The following UNC80 variants were observed in gnomAD, a reference collection of about 807,000 sequenced individuals.
The protein encoded by UNC80 is protein unc-80 homolog.
Under a neutral mutation model 384.6 loss-of-function variants are expected in UNC80, and 164 were observed. The observed-to-expected ratio is 0.43, with a 90% CI of 0.38 to 0.49. UNC80 has a LOEUF of 0.49. Among genes scored for constraint, UNC80 ranks in the 20% least tolerant of loss-of-function variants. The pLI, the probability that UNC80 is intolerant of heterozygous loss-of-function variation, is 0.00. For synonymous variants in UNC80, 1,486 were observed against 1,527.8 expected (o/e 0.97, Z 0.64); for missense variants, 3,330 against 4,143.0 (o/e 0.80, Z 5.39).
Position 209,998,084 on chromosome 2 carries a change from G to C in UNC80, c.*2489G>C, listed in dbSNP as rs1464789097. On this transcript the variant is annotated 3_prime_UTR_variant, in exon 65 of 65. Transcript: ENST00000673920. ...AATAGTAGATCATTTCTTAAGCCATGATACTTAATGATATTTATCTTATTC... is the reference window on the plus strand; with the variant it reads ...AATAGTAGATCATTTCTTAAGCCATCATACTTAATGATATTTATCTTATTC... 6.6e-6 allele frequency: 1 copy of C among 152,114 alleles called. No homozygotes were observed. The highest frequency in any genetic ancestry group is 2.4e-5 in the African/African-American group (1 of 41,428). The allele number at this position is 152,114 out of a possible 1,614,324, so 9.4% of individuals were successfully genotyped here.
intron 47 of UNC80, among the ~76,000 whole-genome samples, chr2:209,949,189 C>G (rs1342809376): frequency 6.6e-6 from 1 of 152,026 alleles, no homozygotes; most frequent in Non-Finnish European, 1.5e-5. Flanking sequence ...AATTTTATTG[C>G]TAGGATCACA....
At chr2:209,931,681 T>C (rs2090887621) in intron 38 of UNC80, among the ~76,000 whole-genome samples, 1 of 152,220 alleles carries the variant, frequency 6.6e-6, no homozygotes, top group Non-Finnish European at 1.5e-5. Flanking sequence ...GTTATCCATA[T>C]GCATATGCAT....
intron 23 of UNC80, among the ~76,000 whole-genome samples, chr2:209,875,210 G>A (rs1299646910): frequency 2.6e-5 from 4 of 152,078 alleles, no homozygotes; most frequent in Non-Finnish European, 5.9e-5. Flanking sequence ...ACTGCTCTCA[G>A]AGTGATTAGG....
intron 42 of UNC80, 137 bp from the exon 43 acceptor site, chr2:209,939,334 TC>T (rs2091469023): frequency 2.5e-6 from 2 of 794,786 alleles, no homozygotes; most frequent in Non-Finnish European, 3.8e-6. Context: ...AACACATGTC[TC>T]CCTCATTTCA....
At chr2:209,808,802 C>G in intron 7 of UNC80, 2 of 24,526 alleles carry the variant, frequency 8.2e-5, no homozygotes, top group Non-Finnish European at 6.5e-5. Context: ...GCCTCTGCCA[C>G]CATGCCGCGC....
At chr2:209,943,272 A>G in intron 44 of UNC80, 108 bp from the exon 45 acceptor site, 3 of 1,396,802 alleles carry the variant, frequency 2.1e-6, no homozygotes, top group South Asian at 1.5e-5. Context: ...ACCAGTTTAC[A>G]AAGTTAGCCA....
At chr2:209,791,859 C>A (rs1559096791) in intron 6 of UNC80, among the ~76,000 whole-genome samples, 1 of 139,906 alleles carries the variant, frequency 7.1e-6, no homozygotes, top group Admixed American at 7.2e-5. Flanking sequence ...GATCTCAATT[C>A]CCAATTCCCC....
At chr2:209,902,935 G>A (rs1047013459) in intron 28 of UNC80, among the ~76,000 whole-genome samples, 4 of 150,288 alleles carry the variant, frequency 2.7e-5, no homozygotes, top group Non-Finnish European at 5.9e-5. Context: ...GTGTGTGTGT[G>A]TGTGTGTGTA....
At chr2:209,819,605 G>A (rs2079997560) in intron 12 of UNC80, among the ~76,000 whole-genome samples, 1 of 151,552 alleles carries the variant, frequency 6.6e-6, no homozygotes, top group African/African-American at 2.4e-5. Flanking sequence ...TTTTATTTTG[G>A]TATTAACAAG....
intron 23 of UNC80, among the ~76,000 whole-genome samples, chr2:209,874,422 A>G (rs891950568): frequency 5.3e-5 from 8 of 152,224 alleles, no homozygotes; most frequent in African/African-American, 1.9e-4. Flanking sequence ...AGTGCTACAC[A>G]TTTGAGAGTT....
At chr2:209,923,220 C>G (rs2090169986) in intron 35 of UNC80, among the ~76,000 whole-genome samples, 2 of 151,986 alleles carry the variant, frequency 1.3e-5, no homozygotes, top group South Asian at 4.2e-4. Context: ...GTGTGTTTTT[C>G]TTTTGTCATT....
rs2093525710 is a variant in UNC80 at position 209,999,264 on chromosome 2, C to T, written c.*3669C>T. 1 of 152,156 alleles carries T rather than the reference C, an allele frequency of 6.6e-6. No homozygotes were observed. Among genetic ancestry groups the T allele is most frequent in the South Asian group, 2.1e-4 (1 of 4,830 alleles). The allele number at this position is 152,156 out of a possible 1,614,324, so 9.4% of individuals were successfully genotyped here. A position where few individuals can be genotyped will look rare whatever the true frequency, so the allele number is the denominator to read the frequency against. On this transcript the variant is annotated 3_prime_UTR_variant, in exon 65 of 65. Transcript: ENST00000673920. ...ATTAAGACTTCTGTGTTTAGGTATG[C>T]ACATATGATAAAATAAATCTAAAAA...
At chr2:209,844,102 A>T (rs779963354) in intron 21 of UNC80, among the ~76,000 whole-genome samples, 8 of 151,752 alleles carry the variant, frequency 5.3e-5, no homozygotes, top group Non-Finnish European at 8.8e-5. Context: ...ATCCTTTTAC[A>T]CTCTTTCCAC....
At chr2:209,896,032 A>G (rs2086765436) in intron 27 of UNC80, among the ~76,000 whole-genome samples, 1 of 152,144 alleles carries the variant, frequency 6.6e-6, no homozygotes, top group African/African-American at 2.4e-5. Context: ...CATCTCAGCA[A>G]TTCAAGGACT....
Position 209,835,606 on chromosome 2 carries a change from G to A in UNC80, c.3041+596G>A, listed in dbSNP as rs140605316. 5.0e-3 allele frequency among the ~76,000 whole-genome samples: 762 copies of A among 152,294 alleles called. 8 individuals are homozygous for A. The highest frequency in any genetic ancestry group is 0.015 in the African/African-American group (643 of 41,556). On this transcript the variant is annotated intron_variant, in intron 18 of 64. Coordinates refer to ENST00000673920, the MANE Select transcript of UNC80 (RefSeq NM_001371986.1). ...ATAAGGGTTATCATAGACACTAATTGTACAGCCTAGTTCTATGCAAGTTTT... is the reference window on the plus strand; with the variant it reads ...ATAAGGGTTATCATAGACACTAATTATACAGCCTAGTTCTATGCAAGTTTT...
At chr2:209,940,739 C>T (rs1371983029) in intron 43 of UNC80, among the ~76,000 whole-genome samples, 5 of 152,126 alleles carry the variant, frequency 3.3e-5, no homozygotes, top group Admixed American at 2.0e-4. Flanking sequence ...ATCACATGAA[C>T]CCAGGAGATG....
Position 209,959,629 on chromosome 2 carries a change from G to A in UNC80, c.7727G>A (p.Arg2576Gln). Residue 2576 changes from arginine to glutamine, a missense_variant, in exon 51 of 65, where the codon CGG (arginine) becomes CAG (glutamine). Around this residue, in one of 8 missense-constraint regions of UNC80, gnomAD observed 1,049 missense variants for 1,488.6 expected, o/e 0.70. Coordinates refer to ENST00000673920, the MANE Select transcript of UNC80 (RefSeq NM_001371986.1). ...CTEFYKHCGP[R>Q]LKILQNLAGE... ...GAGTTCTATAAGCACTGTGGGCCAC[G>A]GCTGAAGATCTTGCAAAATCTGGCT... is the stretch of plus-strand genomic sequence containing the variant. The A allele has an allele frequency of 3.2e-6, 5 of 1,551,686 alleles. No individual in the cohort carries two copies. Among genetic ancestry groups the A allele is most frequent in the African/African-American group, 1.4e-5 (1 of 73,136 alleles).
intron 31 of UNC80, among the ~76,000 whole-genome samples, chr2:209,915,568 C>G (rs896683626): frequency 1.3e-5 from 2 of 152,200 alleles, no homozygotes; most frequent in East Asian, 3.9e-4. Flanking sequence ...TTGTAACCGA[C>G]TTTGAATGAC....
chr2:209,890,012 C>T (rs1201909245), intron 26 of UNC80, among the ~76,000 whole-genome samples: 3 of 151,990 alleles, frequency 2.0e-5, no homozygotes, highest in Non-Finnish European at 4.4e-5. Flanking sequence ...GTCTTTTATT[C>T]TTATTGAAAA....
Sources: gnomAD v4.1 joint callset for allele counts (sites outside exome capture counted in the v4.1 genomes callset) on GRCh38, gnomAD v4.1.1 for gene constraint, gnomAD v4.1.1 regional missense constraint, MANE v1.5 for transcripts, NCBI Gene and HGNC (gene_info 2026-07-23, HGNC 2026-07-21) for gene names.